The following CHST12 variants were observed in gnomAD, a reference collection of about 807,000 sequenced individuals.
CHST12 encodes the protein carbohydrate sulfotransferase 12, also known as carbohydrate (chondroitin 4) sulfotransferase 12.
In CHST12, 23 loss-of-function variants were observed where a neutral mutation model predicts 27.9. The observed-to-expected ratio is 0.82, with a 90% CI of 0.59 to 1.17. The LOEUF (loss-of-function observed/expected upper bound fraction) is 1.17, where lower values mean the gene tolerates loss of function less well. Among genes scored for constraint, CHST12 ranks in the 50% most tolerant of loss-of-function variants. The pLI, the probability that CHST12 is intolerant of heterozygous loss-of-function variation, is 0.00. For missense variants in CHST12, 682 were observed against 603.0 expected (o/e 1.13, Z -1.37); for synonymous variants, 322 against 273.0 (o/e 1.18, Z -1.77).
rs1390735882 is a variant in CHST12, at chr7:2,437,746, AC to A, written c.*3863del. 11 of 152,168 alleles carry A rather than the reference AC, an allele frequency of 7.2e-5. No individual in the cohort carries two copies. The highest frequency in any genetic ancestry group is 2.4e-4 in the African/African-American group (10 of 41,454). The allele number at this position is 152,168 out of a possible 1,614,324, so 9.4% of individuals were successfully genotyped here. A position where few individuals can be genotyped will look rare whatever the true frequency, so the allele number is the denominator to read the frequency against. On this transcript the variant is annotated 3_prime_UTR_variant, in exon 2 of 2. Transcript: ENST00000618655. ...CACACACGCGCGCACACACACACAC[AC>A]ACACACACTCTCTCTCACACACACA...
chr7:2,404,747 T>C (rs1781478348), intron 1 of CHST12, among the ~76,000 whole-genome samples: 1 of 152,270 alleles, frequency 6.6e-6, no homozygotes, highest in Admixed American at 6.5e-5. Flanking sequence ...CTGCCTGGAA[T>C]GGCATAGATG....
At chr7:2,423,112 C>T (rs1782020345) in intron 1 of CHST12, among the ~76,000 whole-genome samples, 1 of 151,612 alleles carries the variant, frequency 6.6e-6, no homozygotes. Context: ...CCCCTCTCTA[C>T]TAAAAATCCA....
Position 2,432,550 on chromosome 7 carries a change from A to C in CHST12, c.-77-13A>C. 1.4e-6 allele frequency: 2 copies of C among 1,397,526 alleles called. No homozygotes were observed. Among genetic ancestry groups the C allele is most frequent in the Non-Finnish European group, 1.9e-6 (2 of 1,033,152 alleles). 86.6% of individuals were successfully genotyped at this position (1,397,526 alleles called of 1,614,324 possible). ...CACCTCAGTCATTAACTAGTGTGTC[A>C]TTGCATCTGCAGGTTCCCAGCAGGA... is the stretch of plus-strand genomic sequence containing the variant. On this transcript the variant is annotated splice_polypyrimidine_tract_variant and intron_variant, in intron 1 of 1. Coordinates refer to ENST00000618655, the MANE Select transcript of CHST12 (RefSeq NM_018641.5).
Position 2,436,287 on chromosome 7 carries a change from C to G in CHST12, c.*2403C>G, listed in dbSNP as rs572461241. The G allele has an allele frequency of 6.6e-6, 1 of 152,372 alleles. No individual in the cohort carries two copies. The highest frequency in any genetic ancestry group is 1.5e-5 in the Non-Finnish European group (1 of 68,056). 9.4% of individuals were successfully genotyped at this position (152,372 alleles called of 1,614,324 possible). ...TGAAACTCTGTCCCCATTCAGCACT[C>G]GCTCCCCATTGGTAGAAGGCAGCAG... is the stretch of plus-strand genomic sequence containing the variant. On this transcript the variant is annotated 3_prime_UTR_variant, in exon 2 of 2. Transcript: ENST00000618655.
At chr7:2,419,968 C>CTTTTTTTTTTT (rs869252983) in intron 1 of CHST12, among the ~76,000 whole-genome samples, 3 of 81,408 alleles carry the variant, frequency 3.7e-5, no homozygotes, top group South Asian at 5.3e-4. Context: ...AAATATTTGT[C>CTTTTTTTTTTT]TTTTTTTTTT....
chr7:2,429,891 T>C (rs1285182371), intron 1 of CHST12, among the ~76,000 whole-genome samples: 3 of 152,182 alleles, frequency 2.0e-5, no homozygotes, highest in African/African-American at 4.8e-5. Flanking sequence ...CAAGCGATCC[T>C]CCTGCCTCAG....
In CHST12 at chr7:2,436,902, C is replaced by G. The variant is rs917506375; in HGVS notation, c.*3018C>G. 1 of 152,228 alleles carries G rather than the reference C, an allele frequency of 6.6e-6. No individual in the cohort carries two copies. The highest frequency in any genetic ancestry group is 2.1e-4 in the South Asian group (1 of 4,836). The allele number at this position is 152,228 out of a possible 1,614,324, so 9.4% of individuals were successfully genotyped here. A position where few individuals can be genotyped will look rare whatever the true frequency, so the allele number is the denominator to read the frequency against. On this transcript the variant is annotated 3_prime_UTR_variant, in exon 2 of 2. Transcript: ENST00000618655. ...CCGGGCCATGGTCGGGGCCACCGCC[C>G]GTGGGGATGACTCCGGATGGGAGTG...
In CHST12 at chr7:2,432,952, G is replaced by C. The variant is rs61729409; in HGVS notation, c.313G>C (p.Asp105His). ...GSMEESVRGY[D>H]WSPRDARRSP... ...CATGGAGGAGAGCGTGAGAGGCTAC[G>C]ACTGGTCCCCGCGCGACGCCCGGCG... The change falls in exon 2 of 2, where the codon GAC becomes CAC. Residue 105 changes from aspartate (D) to histidine (H), a missense_variant. Physicochemically the swap from Asp to His is moderately conservative, Grantham distance 81. Transcript: ENST00000618655. 1.2e-6 allele frequency: 2 copies of C among 1,610,890 alleles called. No individual in the cohort carries two copies. Among genetic ancestry groups the C allele is most frequent in the South Asian group, 1.1e-5 (1 of 91,024 alleles).
intron 1 of CHST12, among the ~76,000 whole-genome samples, chr7:2,422,279 T>C (rs971726518): frequency 5.3e-5 from 8 of 152,020 alleles, no homozygotes; most frequent in Non-Finnish European, 1.2e-4. Flanking sequence ...AGTTTCCCTC[T>C]TGTGGCCCAG....
At chr7:2,432,338 A>G (rs529893525) in intron 1 of CHST12, among the ~76,000 whole-genome samples, 46 of 152,054 alleles carry the variant, frequency 3.0e-4, no homozygotes, top group African/African-American at 1.1e-3. Flanking sequence ...CAGCCAGGGA[A>G]GCACGCGAGC....
intron 1 of CHST12, among the ~76,000 whole-genome samples, chr7:2,422,722 G>T (rs1000172983): frequency 5.3e-5 from 8 of 151,774 alleles, no homozygotes; most frequent in African/African-American, 1.9e-4. Flanking sequence ...TTTTAGTAGA[G>T]ACAGGGTTTC....
rs577811074 is a variant in CHST12, at chr7:2,418,380, C to T, written c.-77-14183C>T. Among the ~76,000 whole-genome samples the T allele has an allele frequency of 9.8e-5, 15 of 152,336 alleles. No individual in the cohort carries two copies. In the South Asian group the frequency reaches 1.2e-3, roughly 13 times the overall value. ...CACCTCCACCGCTACAGTTTCCTGGCGGATGATGCTTCTAGGTGAAACTTT... is the reference window on the plus strand; with the variant it reads ...CACCTCCACCGCTACAGTTTCCTGGTGGATGATGCTTCTAGGTGAAACTTT... On this transcript the variant is annotated intron_variant, in intron 1 of 1. Transcript: ENST00000618655.
rs1481176465 is a variant in CHST12, at chr7:2,447,341, T to C, written c.*13457T>C. On this transcript the variant is annotated 3_prime_UTR_variant, in exon 2 of 2. Coordinates refer to ENST00000618655, the MANE Select transcript of CHST12 (RefSeq NM_018641.5). ...CGGTGACCCCCTCAGTGACCCTCTG[T>C]GCTTGCCTTCGTGGTCTTCCTCATG... 1 of 152,282 alleles carries C rather than the reference T, an allele frequency of 6.6e-6. No individual in the cohort carries two copies. The highest frequency in any genetic ancestry group is 2.4e-5 in the African/African-American group (1 of 41,460). 9.4% of individuals were successfully genotyped at this position (152,282 alleles called of 1,614,324 possible).
chr7:2,421,787 G>T lies in CHST12; in HGVS notation c.-77-10776G>T, dbSNP rs570297886. 1.2e-3 allele frequency among the ~76,000 whole-genome samples: 188 copies of T among 151,956 alleles called. 1 individual carries two copies. Among genetic ancestry groups the T allele is most frequent in the Non-Finnish European group, 2.1e-3 (140 of 67,964 alleles). ...GGGTCTTGCTATGTTGCCCAGGCTG[G>T]TCTTAAACTCCTGGGCAGTTCTCCC... On this transcript the variant is annotated intron_variant, in intron 1 of 1. Transcript: ENST00000618655.
Position 2,440,118 on chromosome 7 carries a change from G to C in CHST12, c.*6234G>C, listed in dbSNP as rs898748727. 1.3e-5 allele frequency: 2 copies of C among 152,988 alleles called. No homozygotes were observed. Among genetic ancestry groups the C allele is most frequent in the African/African-American group, 4.8e-5 (2 of 41,460 alleles). 9.5% of individuals were successfully genotyped at this position (152,988 alleles called of 1,614,324 possible). On this transcript the variant is annotated 3_prime_UTR_variant, in exon 2 of 2. Transcript: ENST00000618655. Reference sequence around the variant, plus strand: ...GTCTGTCCGTGGGCGCTACTGATCTGAGCCAAGCACCATTCCGCAGGCATG... The same window carrying C: ...GTCTGTCCGTGGGCGCTACTGATCTCAGCCAAGCACCATTCCGCAGGCATG...
At chr7:2,427,441 C>CA (rs1264236535) in intron 1 of CHST12, among the ~76,000 whole-genome samples, 2 of 150,018 alleles carry the variant, frequency 1.3e-5, no homozygotes, top group Non-Finnish European at 3.0e-5. Flanking sequence ...GTCAAGGCTG[C>CA]AGTGAGCTGT....
intron 1 of CHST12, among the ~76,000 whole-genome samples, chr7:2,410,643 C>G (rs564602578): frequency 2.0e-5 from 3 of 152,038 alleles, no homozygotes; most frequent in African/African-American, 7.2e-5. Flanking sequence ...AGGAGGTGAG[C>G]GTCAAGCAGA....
chr7:2,424,882 C>A (rs1349084249), intron 1 of CHST12, among the ~76,000 whole-genome samples: 1 of 152,092 alleles, frequency 6.6e-6, no homozygotes, highest in Non-Finnish European at 1.5e-5. Flanking sequence ...AATCAGGGTG[C>A]CCCCGTGGAG....
At chr7:2,403,521 C>G (rs1016986411), upstream of CHST12, 1 of 151,516 alleles carries the variant, frequency 6.6e-6, no homozygotes, top group African/African-American at 2.4e-5. Flanking sequence ...GCCCCTCCGG[C>G]GGCCGCGACG....
Sources: allele counts gnomAD v4.1 joint callset (sites outside exome capture counted in the v4.1 genomes callset), GRCh38; gene constraint gnomAD v4.1.1; transcripts MANE v1.5; gene names NCBI Gene and HGNC (gene_info 2026-07-23, HGNC 2026-07-21).